The following ASIC2 variants were observed in gnomAD, a reference collection of about 807,000 sequenced individuals.
ASIC2 encodes acid-sensing ion channel 2.
Under a neutral mutation model 57.3 loss-of-function variants are expected in ASIC2, and 25 were observed. That is an observed-to-expected ratio of 0.44 (90% CI 0.32 to 0.61). The LOEUF (loss-of-function observed/expected upper bound fraction) is 0.61, where lower values mean the gene tolerates loss of function less well. Among genes scored for constraint, ASIC2 ranks in the 20% least tolerant of loss-of-function variants. The probability of loss-of-function intolerance (pLI) is 0.06; values close to 1 mark genes in which losing one functional copy is unlikely to be tolerated. For synonymous variants in ASIC2, 319 were observed against 307.5 expected, an observed-to-expected ratio of 1.04 and a Z score of -0.39; for missense variants, 641 against 738.1, an observed-to-expected ratio of 0.87 and a Z score of 1.52.
At chr17:34,092,992 C>A (rs939037288) in intron 1 of ASIC2, among the ~76,000 whole-genome samples, 3 of 152,208 alleles carry the variant, frequency 2.0e-5, no homozygotes, top group African/African-American at 7.2e-5. Context: ...TTCCCCTCAA[C>A]ATTAGGTTTG....
intron 1 of ASIC2, among the ~76,000 whole-genome samples, chr17:33,814,915 T>C (rs917583786): frequency 6.6e-6 from 1 of 152,164 alleles, no homozygotes; most frequent in African/African-American, 2.4e-5. Context: ...ATGTCTAGTA[T>C]ATAGATGTTT....
intron 1 of ASIC2, among the ~76,000 whole-genome samples, chr17:33,613,785 C>T (rs1905502259): frequency 6.6e-6 from 1 of 152,290 alleles, no homozygotes; most frequent in Admixed American, 6.5e-5. Context: ...GCATCAGCAC[C>T]CACGGGTCTT....
intron 1 of ASIC2, among the ~76,000 whole-genome samples, chr17:33,331,095 A>G (rs142624532): frequency 6.6e-6 from 1 of 152,112 alleles, no homozygotes; most frequent in African/African-American, 2.4e-5. Context: ...GTGGTGTTAG[A>G]TTCTTCTAGG....
At chr17:33,455,889 G>A (rs1462477335) in intron 1 of ASIC2, among the ~76,000 whole-genome samples, 2 of 152,114 alleles carry the variant, frequency 1.3e-5, no homozygotes, top group East Asian at 1.9e-4. Context: ...CCTTATCACC[G>A]ACTGACAGAG....
chr17:33,900,500 G>T (rs982611147), intron 1 of ASIC2, among the ~76,000 whole-genome samples: 1 of 152,038 alleles, frequency 6.6e-6, no homozygotes, highest in Non-Finnish European at 1.5e-5. Flanking sequence ...ATTTATTACT[G>T]CCAGGGTGGG....
intron 3 of ASIC2, among the ~76,000 whole-genome samples, chr17:33,040,743 G>A (rs953159450): frequency 2.6e-5 from 4 of 152,210 alleles, no homozygotes; most frequent in Admixed American, 1.3e-4. Context: ...TTTGCAGTCT[G>A]TTTTTCAGAC....
chr17:34,074,995 A>T (rs1474417830), intron 1 of ASIC2, among the ~76,000 whole-genome samples: 2 of 151,900 alleles, frequency 1.3e-5, no homozygotes, highest in East Asian at 3.9e-4. Context: ...ATGTTGGCCA[A>T]GCTGGTCTTG....
At chr17:34,006,226 A>T (rs902650139) in intron 1 of ASIC2, 3 of 152,280 alleles carry the variant, frequency 2.0e-5, no homozygotes, top group African/African-American at 7.2e-5. Flanking sequence ...GATTTGAAGG[A>T]GCCCTCCAGC....
At chr17:33,016,093 G>A in intron 8 of ASIC2, 54 bp from the exon 9 acceptor site, 2 of 1,574,618 alleles carry the variant, frequency 1.3e-6, no homozygotes, top group South Asian at 2.2e-5. Flanking sequence ...TGCAGAGGCA[G>A]AAGGGACCTC....
chr17:34,049,882 C>T (rs1175074523), intron 1 of ASIC2, among the ~76,000 whole-genome samples: 1 of 152,140 alleles, frequency 6.6e-6, no homozygotes, highest in Admixed American at 6.5e-5. Context: ...CTTCAATAAA[C>T]CCTGTTTCTC....
intron 1 of ASIC2, among the ~76,000 whole-genome samples, chr17:33,573,558 GTTT>G (rs979477033): frequency 6.6e-6 from 1 of 151,626 alleles, no homozygotes; most frequent in Non-Finnish European, 1.5e-5. Context: ...TTTAAATCTT[GTTT>G]TTTTGTTTTG....
chr17:33,373,432 C>A (rs545675548), intron 1 of ASIC2, among the ~76,000 whole-genome samples: 7 of 152,338 alleles, frequency 4.6e-5, no homozygotes, highest in African/African-American at 1.4e-4. Context: ...TATAGTTAAA[C>A]AAGGATGATA....
chr17:33,034,113 G>A (rs1177884797), intron 3 of ASIC2, among the ~76,000 whole-genome samples: 1 of 152,108 alleles, frequency 6.6e-6, no homozygotes, highest in Non-Finnish European at 1.5e-5. Context: ...GGGGTGAGCT[G>A]CCTGCAGAGA....
chr17:33,850,381 C>T (rs555327724), intron 1 of ASIC2, among the ~76,000 whole-genome samples: 1 of 152,298 alleles, frequency 6.6e-6, no homozygotes, highest in East Asian at 1.9e-4. Context: ...GCTATCATTT[C>T]CCCAACATTC....
intron 1 of ASIC2, among the ~76,000 whole-genome samples, chr17:33,209,768 G>A (rs914081225): frequency 6.6e-6 from 1 of 152,208 alleles, no homozygotes; most frequent in Non-Finnish European, 1.5e-5. Flanking sequence ...ATGAATAAAT[G>A]AATGCATGAA....
In ASIC2 at chr17:33,013,647, A is replaced by G; in HGVS notation, c.*318T>C. Reference sequence around the variant, plus strand: ...TGGAGGAGTGTCATGTACAAGACAGACGTGGAGGTGGCGCCACAAGAAGTC... The same window carrying G: ...TGGAGGAGTGTCATGTACAAGACAGGCGTGGAGGTGGCGCCACAAGAAGTC... On this transcript the variant is annotated 3_prime_UTR_variant, in exon 10 of 10. Coordinates refer to ENST00000225823, the MANE Select transcript of ASIC2 (RefSeq NM_183377.2). 1 of 368,620 alleles carries G rather than the reference A, an allele frequency of 2.7e-6. No homozygotes were observed. Among genetic ancestry groups the G allele is most frequent in the Non-Finnish European group, 5.1e-6 (1 of 195,174 alleles). 22.8% of individuals were successfully genotyped at this position (368,620 alleles called of 1,614,324 possible). A position where few individuals can be genotyped will look rare whatever the true frequency, so the allele number is the denominator to read the frequency against.
chr17:33,561,163 A>G (rs754784808), intron 1 of ASIC2, among the ~76,000 whole-genome samples: 3 of 152,194 alleles, frequency 2.0e-5, no homozygotes, highest in Non-Finnish European at 4.4e-5. Flanking sequence ...ATTACTGGTA[A>G]GAATTCTTTC....
intron 1 of ASIC2, among the ~76,000 whole-genome samples, chr17:33,132,009 A>G (rs1042389568): frequency 5.3e-5 from 8 of 152,138 alleles, no homozygotes; most frequent in Non-Finnish European, 1.2e-4. Context: ...AGGCCAGGGG[A>G]GTTCATTTTA....
intron 1 of ASIC2, among the ~76,000 whole-genome samples, chr17:33,858,170 T>G (rs1046892024): frequency 6.6e-6 from 1 of 152,222 alleles, no homozygotes; most frequent in African/African-American, 2.4e-5. Flanking sequence ...CTACCCTGTT[T>G]CTGCCTCGTC....
Sources: allele counts gnomAD v4.1 joint callset (sites outside exome capture counted in the v4.1 genomes callset), GRCh38; gene constraint gnomAD v4.1.1; transcripts MANE v1.5; gene names NCBI Gene and HGNC (gene_info 2026-07-23, HGNC 2026-07-21).